The following LAMA2 variants were observed in gnomAD, a reference collection of about 807,000 sequenced individuals.
The protein encoded by LAMA2 is laminin subunit alpha 2.
In LAMA2, 269 loss-of-function variants were observed where a neutral mutation model predicts 364.8. The observed-to-expected ratio is 0.74, with a 90% CI of 0.67 to 0.82. The LOEUF is 0.82. Among genes scored for constraint, LAMA2 ranks in the 40% least tolerant of loss-of-function variants. The probability of loss-of-function intolerance (pLI) is 0.00; values close to 1 mark genes in which losing one functional copy is unlikely to be tolerated. For missense variants in LAMA2, 3,807 were observed against 3,873.2 expected, an observed-to-expected ratio of 0.98 and a Z score of 0.45; for synonymous variants, 1,379 against 1,370.6, an observed-to-expected ratio of 1.01 and a Z score of -0.14.
At position 129,300,580 on chromosome 6, in the gene LAMA2, A is replaced by G. The variant is rs3798666; in HGVS notation, c.3038-156A>G. On this transcript the variant is annotated intron_variant, in intron 21 of 64. Transcript: ENST00000421865. ...TTTCTGAAATACATTGTACTATAAT[A>G]TAAAAGATGAATGAAGTAAGTTTTT... Among the ~76,000 whole-genome samples the G allele has an allele frequency of 0.21, 32,663 of 152,136 alleles. 4,553 individuals carry two copies. The highest frequency in any genetic ancestry group is 0.56 in the East Asian group (2,888 of 5,170).
chr6:129,004,736 A>C (rs1012958866), intron 1 of LAMA2, among the ~76,000 whole-genome samples: 1 of 152,166 alleles, frequency 6.6e-6, no homozygotes. Context: ...AATGCTATAC[A>C]CTATTATGTT....
At chr6:129,035,595 G>A (rs1786587156) in intron 1 of LAMA2, among the ~76,000 whole-genome samples, 1 of 141,532 alleles carries the variant, frequency 7.1e-6, no homozygotes, top group South Asian at 2.3e-4. Context: ...CTAGGCCAAT[G>A]TCGAGAATAA....
At chr6:129,156,440 T>G (rs967480847) in intron 8 of LAMA2, among the ~76,000 whole-genome samples, 28 of 151,986 alleles carry the variant, frequency 1.8e-4, no homozygotes, top group African/African-American at 6.8e-4. Flanking sequence ...TAAAAAAAAT[T>G]TTTAAATAAT....
At chr6:128,964,791 A>G (rs1408031423) in intron 1 of LAMA2, among the ~76,000 whole-genome samples, 1 of 152,016 alleles carries the variant, frequency 6.6e-6, no homozygotes, top group Non-Finnish European at 1.5e-5. Context: ...GTCCACACAC[A>G]CTTCTCATCT....
intron 1 of LAMA2, among the ~76,000 whole-genome samples, chr6:128,947,457 T>C (rs1780549169): frequency 6.6e-6 from 1 of 152,236 alleles, no homozygotes; most frequent in Non-Finnish European, 1.5e-5. Flanking sequence ...GCCACATTTT[T>C]AACTTGTATA....
intron 1 of LAMA2, chr6:128,929,255 T>A: frequency 7.0e-7 from 1 of 1,427,288 alleles, no homozygotes; most frequent in Non-Finnish European, 9.9e-7. Context: ...TAAGAGACCG[T>A]CAATGGCTAA....
At chr6:129,239,181 T>C (rs1170509993) in intron 12 of LAMA2, among the ~76,000 whole-genome samples, 1 of 152,192 alleles carries the variant, frequency 6.6e-6, no homozygotes, top group Non-Finnish European at 1.5e-5. Context: ...TTATATTGTT[T>C]TGATTTCCCT....
chr6:128,982,806 T>C (rs1484859247), intron 1 of LAMA2, among the ~76,000 whole-genome samples: 1 of 133,996 alleles, frequency 7.5e-6, no homozygotes, highest in Non-Finnish European at 1.6e-5. Context: ...GTTCCCCTTC[T>C]TGTGTCCATG....
At chr6:128,922,703 T>G (rs2114491901) in intron 1 of LAMA2, among the ~76,000 whole-genome samples, 1 of 152,282 alleles carries the variant, frequency 6.6e-6, no homozygotes, top group African/African-American at 2.4e-5. Context: ...GCAGAAGCTC[T>G]TTAGTTTAAT....
chr6:129,373,803 G>A (rs758330886), intron 34 of LAMA2, among the ~76,000 whole-genome samples: 47 of 152,048 alleles, frequency 3.1e-4, no homozygotes, highest in Non-Finnish European at 6.6e-4. Flanking sequence ...AAACTTCAGA[G>A]GTAAAGTACC....
chr6:129,359,938 C>T (rs964956235), intron 32 of LAMA2, among the ~76,000 whole-genome samples: 5 of 152,092 alleles, frequency 3.3e-5, no homozygotes, highest in Admixed American at 3.3e-4. Context: ...TGATTTGCCC[C>T]TTACATGTGC....
intron 4 of LAMA2, among the ~76,000 whole-genome samples, chr6:129,118,524 A>T (rs2494936): frequency 0.62 from 93,826 of 152,132 alleles, 32,218 homozygotes; most frequent in East Asian, 0.82. Context: ...AAACATACTG[A>T]ACATAGTTAA....
intron 1 of LAMA2, among the ~76,000 whole-genome samples, chr6:128,888,119 C>T (rs370958251): frequency 6.0e-4 from 91 of 152,168 alleles, no homozygotes; most frequent in African/African-American, 1.5e-3. Flanking sequence ...GCAGAAGCTC[C>T]GTTTCAGTAA....
intron 31 of LAMA2, 85 bp from the exon 32 acceptor site, chr6:129,353,079 T>C: frequency 9.9e-7 from 1 of 1,007,564 alleles, no homozygotes. Flanking sequence ...TCAGTTTTGT[T>C]GCATCAAAAC....
chr6:129,511,053 C>A (rs1472546686), intron 62 of LAMA2, among the ~76,000 whole-genome samples: 3 of 152,190 alleles, frequency 2.0e-5, no homozygotes, highest in African/African-American at 7.2e-5. Context: ...CCTGCCTGGG[C>A]TCTTATAATT....
rs557027746 is a variant in LAMA2 at position 128,992,262 on chromosome 6, C to T, written c.113-57656C>T. 6.6e-5 allele frequency among the ~76,000 whole-genome samples: 10 copies of T among 152,260 alleles called. No individual in the cohort carries two copies. In the South Asian group the frequency reaches 1.2e-3, roughly 19 times the overall value. On this transcript the variant is annotated intron_variant, in intron 1 of 64. Transcript: ENST00000421865. ...ACTTCACAATGTGGTTTCCACTAAT[C>T]GGCACCTTATATTAATTTTTATGAA...
rs770980196 is a variant in LAMA2 at position 129,478,800 on chromosome 6, G to A, written c.7559G>A (p.Gly2520Glu). The A allele has an allele frequency of 1.2e-6, 2 of 1,613,288 alleles. No individual in the cohort carries two copies. The highest frequency in any genetic ancestry group is 1.7e-6 in the Non-Finnish European group (2 of 1,179,324). Residue 2520 changes from glycine (G) to glutamate (E), a missense_variant, in exon 54 of 65, where the codon GGA becomes GAA. Physicochemically the swap from Gly to Glu is moderately conservative, Grantham distance 98. This residue lies in a region of LAMA2 where 3,333 missense variants were observed against 3,345.7 expected (regional missense o/e 1.00). Coordinates refer to ENST00000421865, the MANE Select transcript of LAMA2 (RefSeq NM_000426.4). The stretch of plus-strand genomic sequence containing the variant: ...CCCGATTATGTTGGTGTTACCAAAG[G>A]ATGTTCCCTGGAGGTTGGTCTGTTT... ...SSPDYVGVTKGCSLENVYTVS... is the reference protein window; with the variant it reads ...SSPDYVGVTKECSLENVYTVS...
intron 3 of LAMA2, 21 bp downstream of exon 3, chr6:129,059,917 T>G (rs1174295638): frequency 1.5e-6 from 2 of 1,326,266 alleles, no homozygotes; most frequent in Non-Finnish European, 2.2e-6. Context: ...TCTTTTTTTG[T>G]CATTTCCACT....
intron 40 of LAMA2, among the ~76,000 whole-genome samples, chr6:129,420,088 T>G (rs1044949346): frequency 1.3e-5 from 2 of 152,134 alleles, no homozygotes; most frequent in Non-Finnish European, 2.9e-5. Context: ...TACGAGTAAT[T>G]ACTTTTGTAA....
Sources: gnomAD v4.1 joint callset for allele counts (sites outside exome capture counted in the v4.1 genomes callset) on GRCh38, gnomAD v4.1.1 for gene constraint, gnomAD v4.1.1 regional missense constraint, MANE v1.5 for transcripts, NCBI Gene and HGNC (gene_info 2026-07-23, HGNC 2026-07-21) for gene names.